RABGAP1L: variants seen among roughly 807,000 people sequenced by gnomAD.
RABGAP1L encodes rab GTPase-activating protein 1-like.
A neutral mutation model predicts 137.7 loss-of-function variants in RABGAP1L; 63 were observed. The observed-to-expected ratio is 0.46, with a 90% confidence interval of 0.37 to 0.56. The LOEUF (loss-of-function observed/expected upper bound fraction) is 0.56, where lower values mean the gene tolerates loss of function less well. Ranked by LOEUF, RABGAP1L falls within the 20% of genes least tolerant of loss-of-function variation. The probability of loss-of-function intolerance (pLI) is 0.00; values close to 1 mark genes in which losing one functional copy is unlikely to be tolerated. For synonymous variants in RABGAP1L, 431 were observed against 433.7 expected (o/e 0.99, Z 0.08); for missense variants, 1,095 against 1,244.0 (o/e 0.88, Z 1.80).
At chr1:174,505,550 A>G (rs80101087) in intron 13 of RABGAP1L, among the ~76,000 whole-genome samples, 1,866 of 152,160 alleles carry the variant, frequency 0.012, 48 homozygotes, top group African/African-American at 0.043. Flanking sequence ...GTTGTATACT[A>G]AAAAATGCTG....
intron 14 of RABGAP1L, among the ~76,000 whole-genome samples, chr1:174,638,040 T>C (rs1674205612): frequency 1.3e-5 from 2 of 152,212 alleles, no homozygotes; most frequent in Admixed American, 1.3e-4. Flanking sequence ...TCTGCTTGGA[T>C]ACAGAAGATT....
intron 13 of RABGAP1L, among the ~76,000 whole-genome samples, chr1:174,431,408 G>T (rs1383007478): frequency 2.0e-5 from 3 of 152,104 alleles, no homozygotes; most frequent in East Asian, 3.8e-4. Context: ...TGTAAGAAAC[G>T]TTGAAATTTC....
At chr1:174,857,231 T>C (rs1183880030) in intron 19 of RABGAP1L, among the ~76,000 whole-genome samples, 3 of 152,294 alleles carry the variant, frequency 2.0e-5, no homozygotes, top group Non-Finnish European at 4.4e-5. Context: ...CCTCCCTTGT[T>C]CTTGTTCTAT....
rs374385610 is a variant in RABGAP1L, at chr1:174,248,018, T to A, written c.718-2457T>A. Among the ~76,000 whole-genome samples, 3 of 152,326 alleles carry A rather than the reference T, an allele frequency of 2.0e-5. No individual in the cohort carries two copies. In the East Asian group the frequency reaches 5.8e-4, roughly 29 times the overall value. ...TTATATTTCATTTAGGAGTAGGAAG[T>A]GGAGAATACCCAGAGAACTAAAAGT... On this transcript the variant is annotated intron_variant, in intron 5 of 25. Transcript: ENST00000681986.
chr1:174,929,753 AAAATAAAT>A (rs61539169), intron 19 of RABGAP1L, among the ~76,000 whole-genome samples: 3,234 of 140,806 alleles, frequency 0.023, 55 homozygotes, highest in Middle Eastern at 0.085. Context: ...GTCTCTACAA[AAAATAAAT>A]AAATAAATAA....
chr1:174,529,590 G>A (rs1449988545), intron 13 of RABGAP1L, among the ~76,000 whole-genome samples: 2 of 152,098 alleles, frequency 1.3e-5, no homozygotes, highest in Non-Finnish European at 2.9e-5. Context: ...CAGCACTGAT[G>A]TTGGCACGTC....
At chr1:174,699,191 C>T (rs932179221) in intron 15 of RABGAP1L, among the ~76,000 whole-genome samples, 14 of 151,934 alleles carry the variant, frequency 9.2e-5, no homozygotes, top group Admixed American at 3.9e-4. Context: ...CAGGGTTTTG[C>T]CATGTTGGTC....
At chr1:174,251,216 G>T (rs1166604673) in intron 6 of RABGAP1L, among the ~76,000 whole-genome samples, 4 of 151,846 alleles carry the variant, frequency 2.6e-5, no homozygotes, top group Non-Finnish European at 5.9e-5. Context: ...TTAACATTTG[G>T]TCTCTTCCCT....
intron 18 of RABGAP1L, among the ~76,000 whole-genome samples, chr1:174,797,209 C>T (rs909183722): frequency 6.6e-6 from 1 of 151,872 alleles, no homozygotes; most frequent in Non-Finnish European, 1.5e-5. Flanking sequence ...CTTTTCAAGA[C>T]CAAGTTAGTT....
intron 11 of RABGAP1L, among the ~76,000 whole-genome samples, chr1:174,359,925 C>G (rs778679222): frequency 7.9e-5 from 12 of 152,152 alleles, no homozygotes; most frequent in Non-Finnish European, 7.4e-5. Context: ...TCATAAGTGC[C>G]TGGGGTTCCC....
At chr1:174,255,924 C>G (rs536375155) in intron 7 of RABGAP1L, among the ~76,000 whole-genome samples, 2 of 152,210 alleles carry the variant, frequency 1.3e-5, no homozygotes, top group Non-Finnish European at 2.9e-5. Flanking sequence ...GCCCTTTCCT[C>G]CAAGTGCTTT....
chr1:174,929,680 C>G (rs368957920), intron 19 of RABGAP1L, among the ~76,000 whole-genome samples: 5 of 151,518 alleles, frequency 3.3e-5, no homozygotes, highest in African/African-American at 1.2e-4. Context: ...GAGGTCGAGG[C>G]TACAGTGAGC....
At chr1:174,808,409 G>T (rs1348810838) in intron 18 of RABGAP1L, among the ~76,000 whole-genome samples, 2 of 152,020 alleles carry the variant, frequency 1.3e-5, no homozygotes, top group Non-Finnish European at 2.9e-5. Flanking sequence ...AGCTATGATT[G>T]CACCATCGTA....
chr1:174,715,626 T>G (rs1447436748), intron 17 of RABGAP1L, among the ~76,000 whole-genome samples: 1 of 152,260 alleles, frequency 6.6e-6, no homozygotes, highest in Non-Finnish European at 1.5e-5. Context: ...GTTTTTCAAC[T>G]TTTTTCAATT....
intron 11 of RABGAP1L, among the ~76,000 whole-genome samples, chr1:174,327,986 C>CATATATATATATATATATATATAT (rs3057021): frequency 1.9e-5 from 1 of 53,650 alleles, no homozygotes; most frequent in Non-Finnish European, 3.1e-5. Flanking sequence ...TATACACACA[C>CATATATATATATATATATATATAT]ATATATATAT....
intron 13 of RABGAP1L, among the ~76,000 whole-genome samples, chr1:174,566,872 C>T (rs1667620804): frequency 6.6e-6 from 1 of 152,010 alleles, no homozygotes; most frequent in Non-Finnish European, 1.5e-5. Flanking sequence ...GAGTATGAAA[C>T]AACTATGTAG....
intron 1 of RABGAP1L, among the ~76,000 whole-genome samples, chr1:174,198,967 G>A (rs1204278827): frequency 6.6e-6 from 1 of 152,172 alleles, no homozygotes; most frequent in Non-Finnish European, 1.5e-5. Context: ...AATTAGCCGG[G>A]CGTGGTGGCG....
intron 19 of RABGAP1L, among the ~76,000 whole-genome samples, chr1:174,936,971 AT>A (rs909397955): frequency 1.9e-3 from 189 of 101,522 alleles, no homozygotes; most frequent in East Asian, 3.1e-3. Flanking sequence ...TATAAGATTA[AT>A]TTTTTTTTTT....
At chr1:174,794,826 C>T (rs1248131016) in intron 18 of RABGAP1L, among the ~76,000 whole-genome samples, 1 of 152,188 alleles carries the variant, frequency 6.6e-6, no homozygotes, top group African/African-American at 2.4e-5. Flanking sequence ...TGATTTTAAG[C>T]TCCTGCAGGT....
Sources: gnomAD v4.1 joint callset for allele counts (sites outside exome capture counted in the v4.1 genomes callset) on GRCh38, gnomAD v4.1.1 for gene constraint, MANE v1.5 for transcripts, NCBI Gene and HGNC (gene_info 2026-07-23, HGNC 2026-07-21) for gene names.